SEM1: variants seen among roughly 807,000 people sequenced by gnomAD.
SEM1 encodes the protein 26S proteasome complex subunit SEM1.
In SEM1, 3 loss-of-function variants were observed where a neutral mutation model predicts 12.7. That is an observed-to-expected ratio of 0.24 (90% CI 0.11 to 0.61). SEM1 has a LOEUF of 0.61. Ranked by LOEUF, SEM1 falls within the 20% of genes least tolerant of loss-of-function variation. SEM1 has a pLI of 0.88. For synonymous variants in SEM1, 30 were observed against 27.8 expected, an observed-to-expected ratio of 1.08 and a Z score of -0.25; for missense variants, 59 against 81.3, an observed-to-expected ratio of 0.73 and a Z score of 1.06.
downstream of SEM1, among the ~76,000 whole-genome samples, chr7:96,618,876 A>G (rs1807799661): frequency 6.6e-6 from 1 of 152,168 alleles, no homozygotes; most frequent in African/African-American, 2.4e-5. Context: ...ACTTGAGCCC[A>G]GGTGTTCAAG....
At chr7:96,703,898 G>A (rs190007028) in intron 1 of SEM1, among the ~76,000 whole-genome samples, 143 of 151,504 alleles carry the variant, frequency 9.4e-4, no homozygotes, top group African/African-American at 3.3e-3. Context: ...GTTCAAGGCC[G>A]TAATAATCTG....
chr7:96,622,726 G>A (rs139713860), intron 2 of SEM1: 592 of 716,674 alleles, frequency 8.3e-4, no homozygotes, highest in South Asian at 1.3e-3. Context: ...CTGATCAGTG[G>A]AAAAGCCATG....
chr7:96,548,125 T>C (rs557292848), intron 2 of SEM1, among the ~76,000 whole-genome samples: 1 of 152,062 alleles, frequency 6.6e-6, no homozygotes, highest in Non-Finnish European at 1.5e-5. Context: ...AATAAAAAAA[T>C]TGAACATAAT....
In SEM1 at chr7:96,632,758, AAGGTG is replaced by A. The variant is rs1193313161; in HGVS notation, c.171-10120_171-10116del. On this transcript the variant is annotated intron_variant, in intron 2 of 2. Transcript: ENST00000417009. ...GCTCACCTGATTTTTTGTTCTTATG[AAGGTG>A]GTTTTTTTTTGTTGTTTTTTGTTTT... Among the ~76,000 whole-genome samples the A allele has an allele frequency of 4.0e-5, 6 of 148,352 alleles. No homozygotes were observed. The Admixed American group carries it at 4.2e-4, about 10-fold the overall frequency.
At chr7:96,534,035 A>G (rs1804717136) in intron 2 of SEM1, among the ~76,000 whole-genome samples, 1 of 152,082 alleles carries the variant, frequency 6.6e-6, no homozygotes, top group African/African-American at 2.4e-5. Context: ...CTCAAGTACA[A>G]TATACATCTA....
At chr7:96,511,778 ATTT>A (rs1214567211) in intron 2 of SEM1, among the ~76,000 whole-genome samples, 1 of 151,938 alleles carries the variant, frequency 6.6e-6, no homozygotes, top group Non-Finnish European at 1.5e-5. Context: ...AATAAATAGT[ATTT>A]TTTTGATTGC....
chr7:96,642,957 C>G (rs1238499738), intron 2 of SEM1, among the ~76,000 whole-genome samples: 1 of 151,748 alleles, frequency 6.6e-6, no homozygotes, highest in Non-Finnish European at 1.5e-5. Flanking sequence ...TAAAATTTAA[C>G]TTTTATTTTA....
chr7:96,649,985 G>A (rs1808920592), intron 2 of SEM1: 1 of 153,222 alleles, frequency 6.5e-6, no homozygotes, highest in Non-Finnish European at 1.5e-5. Flanking sequence ...CCGTCCATCA[G>A]TATATCCCAT....
intron 3 of SEM1, among the ~76,000 whole-genome samples, chr7:96,504,104 G>A (rs1011866020): frequency 5.9e-5 from 9 of 152,078 alleles, no homozygotes; most frequent in Non-Finnish European, 8.8e-5. Flanking sequence ...AGAAATATGC[G>A]CATATGGAGA....
chr7:96,499,807 A>G (rs62470043), upstream of SEM1, among the ~76,000 whole-genome samples: 20,461 of 152,160 alleles, frequency 0.13, 1,416 homozygotes, highest in Middle Eastern at 0.26. Flanking sequence ...TCAGGAAACA[A>G]TTCCTACAAT....
chr7:96,649,604 A>G (rs946639475), intron 2 of SEM1: 1 of 152,216 alleles, frequency 6.6e-6, no homozygotes, highest in African/African-American at 2.4e-5. Context: ...ACTTCCAACA[A>G]TATATGAAGT....
chr7:96,559,381 G>A lies in SEM1; in HGVS notation c.171-52683C>T, dbSNP rs914824103. Among the ~76,000 whole-genome samples, 5 of 151,900 alleles carry A rather than the reference G, an allele frequency of 3.3e-5. No homozygotes were observed. The East Asian group carries it at 5.8e-4, about 18-fold the overall frequency. ...ATTCCAACCTCAATCTCCCAGGCTC[G>A]GTTGATTCTCCCACCTCAGCCTCCC... On this transcript the variant is annotated intron_variant and NMD_transcript_variant, in intron 2 of 3. Transcript: ENST00000466986.
Position 96,682,332 on chromosome 7 carries a change from C to G in SEM1, c.171-8473G>C, listed in dbSNP as rs138889869. On this transcript the variant is annotated intron_variant, in intron 2 of 2. Transcript: ENST00000413065. ...AATATACAACCATGTCATCTACAAA[C>G]AGAGACAATTTGACTTCCTCTCTTC... Among the ~76,000 whole-genome samples the G allele has an allele frequency of 3.1e-3, 467 of 152,174 alleles. 1 individual carries two copies. Among genetic ancestry groups the G allele is most frequent in the Middle Eastern group, 0.017 (5 of 294 alleles).
At chr7:96,653,328 A>G (rs1007793655) in intron 2 of SEM1, among the ~76,000 whole-genome samples, 1 of 152,236 alleles carries the variant, frequency 6.6e-6, no homozygotes, top group African/African-American at 2.4e-5. Flanking sequence ...TGTTTTCTAG[A>G]TCTGACTTAT....
Position 96,580,144 on chromosome 7 carries a change from A to G in SEM1, c.171-73446T>C, listed in dbSNP as rs1453632185. Among the ~76,000 whole-genome samples the G allele has an allele frequency of 2.5e-5, 3 of 120,800 alleles. No homozygotes were observed. The East Asian group carries it at 7.9e-4, about 32-fold the overall frequency. 79.2% of individuals were successfully genotyped at this position (120,800 alleles called of 152,430 possible). On this transcript the variant is annotated intron_variant and NMD_transcript_variant, in intron 2 of 3. Coordinates refer to the SEM1 transcript ENST00000466986. ...CTCCCCCCACCCCACAACAGTCCCC[A>G]GAGTGTGATGTTCCCCTTCCTGTGT...
rs572860628 is a variant in SEM1 at position 96,517,869 on chromosome 7, C to T, written c.171-11171G>A. Among the ~76,000 whole-genome samples the T allele has an allele frequency of 8.7e-4, 132 of 152,184 alleles. 2 individuals carry two copies. Among genetic ancestry groups the T allele is most frequent in the African/African-American group, 3.1e-3 (129 of 41,554 alleles). On this transcript the variant is annotated intron_variant and NMD_transcript_variant, in intron 2 of 3. Transcript: ENST00000466986. Reference sequence around the variant, plus strand: ...TTTGACAGTAGTCAAATCTGCTAGTCCTTTCATTTGTGATGCTTGCCTTTC... The same window carrying T: ...TTTGACAGTAGTCAAATCTGCTAGTTCTTTCATTTGTGATGCTTGCCTTTC...
chr7:96,647,608 C>G (rs1047738664), intron 2 of SEM1: 3 of 152,064 alleles, frequency 2.0e-5, no homozygotes, highest in Admixed American at 2.0e-4. Flanking sequence ...TGCAGGGACT[C>G]TAATCACTAT....
intron 2 of SEM1, among the ~76,000 whole-genome samples, chr7:96,599,428 C>G (rs1807120068): frequency 6.6e-6 from 1 of 152,176 alleles, no homozygotes; most frequent in South Asian, 2.1e-4. Flanking sequence ...TCTGGGGTCA[C>G]TCCAACACTC....
At chr7:96,662,318 T>C (rs1468712209) in intron 2 of SEM1, among the ~76,000 whole-genome samples, 1 of 152,210 alleles carries the variant, frequency 6.6e-6, no homozygotes, top group African/African-American at 2.4e-5. Context: ...GTGGGACATA[T>C]ATACCATGGA....
Sources: allele counts gnomAD v4.1 joint callset (sites outside exome capture counted in the v4.1 genomes callset), GRCh38; gene constraint gnomAD v4.1.1; transcripts MANE v1.5; gene names NCBI Gene and HGNC (gene_info 2026-07-23, HGNC 2026-07-21).